The following NTRK3 variants were observed in gnomAD, a reference collection of about 807,000 sequenced individuals.
NTRK3 encodes the protein neurotrophic receptor tyrosine kinase 3, also known as NT-3 growth factor receptor.
Under a neutral mutation model 91.7 loss-of-function variants are expected in NTRK3, and 24 were observed. The ratio of observed to expected loss-of-function variants is 0.26; its 90% CI spans 0.19 to 0.37. The LOEUF (loss-of-function observed/expected upper bound fraction) is 0.37. NTRK3 is among the 10% of genes least tolerant of loss of function. The pLI is 1.00. For missense variants in NTRK3, 880 were observed against 1,068.9 expected (o/e 0.82, Z 2.46); for synonymous variants, 483 against 404.0 (o/e 1.20, Z -2.34).
chr15:88,041,646 C>T (rs1199234460), intron 13 of NTRK3, among the ~76,000 whole-genome samples: 1 of 152,160 alleles, frequency 6.6e-6, no homozygotes, highest in African/African-American at 2.4e-5. Flanking sequence ...GGGCTCCCGC[C>T]AACACCTGGC....
chr15:87,944,686 C>T (rs2070262015), intron 14 of NTRK3, among the ~76,000 whole-genome samples: 2 of 152,220 alleles, frequency 1.3e-5, no homozygotes, highest in African/African-American at 4.8e-5. Flanking sequence ...CTCAACTTTC[C>T]CTCACTCTGC....
chr15:88,057,175 A>C (rs2045785180), intron 13 of NTRK3, among the ~76,000 whole-genome samples: 1 of 149,642 alleles, frequency 6.7e-6, no homozygotes, highest in Admixed American at 6.7e-5. Flanking sequence ...TCTCAAAAAA[A>C]AAAAAAAAGA....
chr15:87,886,347 A>G lies in NTRK3; in HGVS notation c.2134-5919T>C, dbSNP rs529434634. ...ATAATTCACTCAGGTAAGCAAAAAT[A>G]CTGAGTTAAAGGTGTTTATTTCATT... On this transcript the variant is annotated intron_variant, in intron 17 of 18. Transcript: ENST00000394480. 1.0e-3 allele frequency among the ~76,000 whole-genome samples: 154 copies of G among 152,144 alleles called. 1 individual carries two copies. The highest frequency in any genetic ancestry group is 3.6e-3 in the African/African-American group (150 of 41,542).
chr15:88,119,025 G>T (rs1455928837), intron 13 of NTRK3, among the ~76,000 whole-genome samples: 1 of 152,192 alleles, frequency 6.6e-6, no homozygotes, highest in Non-Finnish European at 1.5e-5. Context: ...AAAATATTTT[G>T]CATCAGCCTC....
intron 13 of NTRK3, among the ~76,000 whole-genome samples, chr15:88,126,057 G>T (rs1435776399): frequency 6.6e-6 from 1 of 152,130 alleles, no homozygotes; most frequent in African/African-American, 2.4e-5. Context: ...GCAAAACCAT[G>T]TGGATCTACA....
chr15:88,098,482 C>T (rs540722229), intron 13 of NTRK3: 4 of 209,538 alleles, frequency 1.9e-5, no homozygotes, highest in South Asian at 1.9e-4. Flanking sequence ...GACATTAAGG[C>T]GCTTGGACAA....
intron 3 of NTRK3, 51 bp from the exon 4 acceptor site, chr15:88,184,350 G>T (rs1329503946): frequency 6.4e-7 from 1 of 1,570,894 alleles, no homozygotes; most frequent in Non-Finnish European, 8.7e-7. Context: ...CAGAAATGGG[G>T]CTGGCTTTGG....
chr15:87,890,336 T>C (rs1423978228), intron 17 of NTRK3, among the ~76,000 whole-genome samples: 1 of 152,154 alleles, frequency 6.6e-6, no homozygotes, highest in Non-Finnish European at 1.5e-5. Context: ...AAGGGAGACA[T>C]TGTAATTATA....
intron 17 of NTRK3, among the ~76,000 whole-genome samples, chr15:87,926,215 G>A (rs957935269): frequency 1.3e-5 from 2 of 152,304 alleles, no homozygotes; most frequent in African/African-American, 4.8e-5. Context: ...TCATTTTGAT[G>A]TGACTTCAGG....
intron 13 of NTRK3, among the ~76,000 whole-genome samples, chr15:88,055,264 A>C (rs542185755): frequency 6.6e-6 from 1 of 152,188 alleles, no homozygotes; most frequent in Non-Finnish European, 1.5e-5. Flanking sequence ...TGTGCCACTT[A>C]AAAAATTAAA....
At chr15:88,144,561 A>T (rs1401395266) in intron 6 of NTRK3, among the ~76,000 whole-genome samples, 1 of 152,158 alleles carries the variant, frequency 6.6e-6, no homozygotes, top group Admixed American at 6.5e-5. Flanking sequence ...TAAGAGAAAC[A>T]GCCTGGTCTT....
intron 3 of NTRK3, among the ~76,000 whole-genome samples, chr15:88,232,295 G>A (rs1008190494): frequency 3.2e-5 from 4 of 126,370 alleles, no homozygotes; most frequent in Admixed American, 2.0e-4. Context: ...CTCTTCTATC[G>A]CCACCTCACT....
chr15:88,133,529 C>T (rs1388424799), intron 10 of NTRK3, among the ~76,000 whole-genome samples: 1 of 152,202 alleles, frequency 6.6e-6, no homozygotes, highest in Non-Finnish European at 1.5e-5. Context: ...TCAAGACTTT[C>T]CCTCAACAAT....
chr15:87,872,067 AT>A (rs566789702), exon 19 of NTRK3: 44 of 219,374 alleles, frequency 2.0e-4, no homozygotes, highest in East Asian at 3.3e-4. Context: ...TAAATGTGCC[AT>A]TTTTTTTTCT....
chr15:87,885,017 C>G (rs894513040), intron 17 of NTRK3, among the ~76,000 whole-genome samples: 6 of 151,772 alleles, frequency 4.0e-5, no homozygotes, highest in African/African-American at 9.7e-5. Context: ...TATGACTATT[C>G]AAGACAATTA....
intron 5 of NTRK3, among the ~76,000 whole-genome samples, chr15:88,156,936 G>A (rs1232027964): frequency 6.6e-6 from 1 of 152,124 alleles, no homozygotes; most frequent in African/African-American, 2.4e-5. Context: ...AGTTTCTAGG[G>A]ACACTGGAAG....
chr15:88,094,155 C>A (rs1433120633), intron 13 of NTRK3, among the ~76,000 whole-genome samples: 1 of 152,110 alleles, frequency 6.6e-6, no homozygotes, highest in African/African-American at 2.4e-5. Flanking sequence ...AAGTGGGCTG[C>A]AGGAAGGGGC....
chr15:88,117,390 T>A (rs750617523), intron 13 of NTRK3, among the ~76,000 whole-genome samples: 1 of 152,212 alleles, frequency 6.6e-6, no homozygotes, highest in African/African-American at 2.4e-5. Context: ...CCTACTATGA[T>A]TAGAAGTGAA....
chr15:87,897,185 C>A (rs1376897785), intron 17 of NTRK3, among the ~76,000 whole-genome samples: 1 of 152,112 alleles, frequency 6.6e-6, no homozygotes, highest in Non-Finnish European at 1.5e-5. Flanking sequence ...TAAATAGGCC[C>A]ATTGTGATTC....
Sources: allele counts gnomAD v4.1 joint callset (sites outside exome capture counted in the v4.1 genomes callset), GRCh38; gene constraint gnomAD v4.1.1; transcripts MANE v1.5; gene names NCBI Gene and HGNC (gene_info 2026-07-23, HGNC 2026-07-21).